The following CHCHD3 variants were observed in gnomAD, a reference collection of about 807,000 sequenced individuals.
CHCHD3 encodes the protein coiled-coil-helix-coiled-coil-helix domain containing 3.
CHCHD3 carries 20 observed loss-of-function variants against 38.2 expected under a neutral mutation model. That is an observed-to-expected ratio of 0.52 (90% confidence interval 0.37 to 0.76). The LOEUF is 0.76. Ranked by LOEUF, CHCHD3 falls within the 30% of genes least tolerant of loss-of-function variation. The probability of loss-of-function intolerance (pLI) is 0.00; values close to 1 mark genes in which losing one functional copy is unlikely to be tolerated. For synonymous variants in CHCHD3, 82 were observed against 100.0 expected (o/e 0.82, Z 1.07); for missense variants, 245 against 279.2 (o/e 0.88, Z 0.87).
At chr7:132,841,290 A>C (rs1422853779) in intron 5 of CHCHD3, among the ~76,000 whole-genome samples, 2 of 152,168 alleles carry the variant, frequency 1.3e-5, no homozygotes, top group African/African-American at 4.8e-5. Context: ...ATTATCATGG[A>C]AAGTCACAAA....
At chr7:133,073,183 C>T (rs571703590) in intron 1 of CHCHD3, among the ~76,000 whole-genome samples, 26 of 152,160 alleles carry the variant, frequency 1.7e-4, no homozygotes, top group African/African-American at 5.3e-4. Flanking sequence ...TTCTGGAAAG[C>T]CCTCCCTTGG....
At chr7:132,785,859 C>T (rs1333253741) in intron 7 of CHCHD3, among the ~76,000 whole-genome samples, 199 bp from the exon 8 acceptor site, 2 of 152,146 alleles carry the variant, frequency 1.3e-5, no homozygotes, top group African/African-American at 4.8e-5. Context: ...CTTTAAATGA[C>T]CCCTCTCACC....
chr7:132,866,649 C>T (rs1053824534), intron 5 of CHCHD3, among the ~76,000 whole-genome samples: 1 of 152,188 alleles, frequency 6.6e-6, no homozygotes, highest in Non-Finnish European at 1.5e-5. Context: ...GGCTTATTTA[C>T]TATTCCTCTA....
chr7:133,048,769 C>A (rs1207286304), intron 2 of CHCHD3, among the ~76,000 whole-genome samples: 14 of 152,152 alleles, frequency 9.2e-5, no homozygotes, highest in Admixed American at 7.9e-4. Flanking sequence ...ATACTCCCCC[C>A]AAGCGGGCCG....
At chr7:133,028,158 A>G (rs777860520) in intron 2 of CHCHD3, among the ~76,000 whole-genome samples, 9 of 152,234 alleles carry the variant, frequency 5.9e-5, no homozygotes, top group Non-Finnish European at 1.3e-4. Context: ...CATACCAGTT[A>G]GTATCAACTC....
In CHCHD3 at chr7:133,035,325, T is replaced by C. The variant is rs1813640072; in HGVS notation, c.170-10698A>G. 3.7e-6 allele frequency: 6 copies of C among 1,609,826 alleles called. No homozygotes were observed. The African/African-American group carries it at 5.3e-5, about 14-fold the overall frequency. ...CAGTTCCCCCAAGACAGCCCGGAAC[T>C]GGGGCTGGTTAATGCAGGTGAGGAA... On this transcript the variant is annotated intron_variant, in intron 2 of 7. Transcript: ENST00000262570. The surrounding 1 kb of genome is among the most constrained non-coding windows in gnomAD (Gnocchi z 4.7).
chr7:132,967,556 A>G (rs4731923), intron 4 of CHCHD3, among the ~76,000 whole-genome samples: 39,283 of 151,702 alleles, frequency 0.26, 5,390 homozygotes, highest in African/African-American at 0.33. Context: ...TTTGGGAGGC[A>G]AAGGAGGGAG....
chr7:132,824,247 C>A (rs912782180), intron 6 of CHCHD3, among the ~76,000 whole-genome samples: 1 of 151,038 alleles, frequency 6.6e-6, no homozygotes, highest in African/African-American at 2.4e-5. Flanking sequence ...AAGGCATAAT[C>A]CTAGTGGTGA....
chr7:132,995,839 G>A (rs1382403615), intron 3 of CHCHD3, among the ~76,000 whole-genome samples: 6 of 152,048 alleles, frequency 3.9e-5, no homozygotes, highest in Admixed American at 3.9e-4. Flanking sequence ...TAAAAACTAT[G>A]CATAATATTC....
At chr7:132,939,933 A>C (rs913766978) in intron 4 of CHCHD3, among the ~76,000 whole-genome samples, 2 of 152,196 alleles carry the variant, frequency 1.3e-5, no homozygotes, top group African/African-American at 4.8e-5. Context: ...TATTCTTTTG[A>C]GTAAATCTGT....
intron 4 of CHCHD3, among the ~76,000 whole-genome samples, chr7:132,915,224 G>A (rs1430130815): frequency 6.6e-6 from 1 of 152,060 alleles, no homozygotes; most frequent in African/African-American, 2.4e-5. Context: ...CTGGAAGAGA[G>A]CGGCAAGGAT....
intron 6 of CHCHD3, among the ~76,000 whole-genome samples, chr7:132,816,762 C>T (rs1183018508): frequency 1.3e-5 from 2 of 152,194 alleles, no homozygotes; most frequent in Non-Finnish European, 2.9e-5. Flanking sequence ...TAGATGCAAC[C>T]TGCTTGGGCC....
intron 3 of CHCHD3, among the ~76,000 whole-genome samples, chr7:132,998,861 C>A (rs762804647): frequency 3.3e-5 from 5 of 152,114 alleles, no homozygotes; most frequent in African/African-American, 4.8e-5. Context: ...GGATTTGTCT[C>A]ATTTGCAAAC....
At chr7:132,793,325 AAAAGACACAGGACTATGTATC>A (rs1442223423) in intron 7 of CHCHD3, among the ~76,000 whole-genome samples, 3 of 152,254 alleles carry the variant, frequency 2.0e-5, no homozygotes, top group African/African-American at 7.2e-5. Flanking sequence ...TATGAGAAAC[AAAAGACACAGGACTATGTATC>A]AATCGATGTG....
chr7:133,035,719 A>G lies in CHCHD3; in HGVS notation c.170-11092T>C, dbSNP rs1455083192. 3.1e-6 allele frequency: 5 copies of G among 1,613,312 alleles called. No homozygotes were observed. Among genetic ancestry groups the G allele is most frequent in the Non-Finnish European group, 4.2e-6 (5 of 1,179,410 alleles). ...GCAATGGCGTTGCTCTCAAACACAC[A>G]GAATCCATCATCACCCTCAAATGCT... On this transcript the variant is annotated intron_variant, in intron 2 of 7. Coordinates refer to ENST00000262570, the MANE Select transcript of CHCHD3 (RefSeq NM_017812.4). The surrounding 1 kb of genome is among the most constrained non-coding windows in gnomAD (Gnocchi z 4.7).
chr7:133,009,593 C>T (rs1394664845), intron 3 of CHCHD3, among the ~76,000 whole-genome samples: 1 of 151,342 alleles, frequency 6.6e-6, no homozygotes, highest in Admixed American at 6.6e-5. Context: ...TTTCAAGATA[C>T]AAATCCATGT....
intron 4 of CHCHD3, among the ~76,000 whole-genome samples, chr7:132,903,447 A>G (rs917229250): frequency 1.3e-5 from 2 of 152,008 alleles, no homozygotes; most frequent in African/African-American, 2.4e-5. Flanking sequence ...TTATTTTTTT[A>G]TCTTACAGTT....
At chr7:132,991,386 A>G (rs1016933326) in intron 3 of CHCHD3, among the ~76,000 whole-genome samples, 2 of 152,188 alleles carry the variant, frequency 1.3e-5, no homozygotes, top group Admixed American at 6.5e-5. Flanking sequence ...ATATAAATAC[A>G]TAGCTCTTAT....
intron 4 of CHCHD3, among the ~76,000 whole-genome samples, chr7:132,958,857 C>G (rs903960015): frequency 2.0e-5 from 3 of 152,206 alleles, no homozygotes; most frequent in African/African-American, 7.2e-5. Flanking sequence ...GAAATTTCCA[C>G]AGTGACAAGG....
Sources: gnomAD v4.1 joint callset for allele counts (sites outside exome capture counted in the v4.1 genomes callset) on GRCh38, gnomAD v4.1.1 for gene constraint, Gnocchi (gnomAD v3.1) non-coding constraint, MANE v1.5 for transcripts, NCBI Gene and HGNC (gene_info 2026-07-23, HGNC 2026-07-21) for gene names.